Variants in TMEM272 observed in about 807,000 individuals in gnomAD.
The protein encoded by TMEM272 is long intergenic non-protein coding RNA 282.
TMEM272 carries 8 observed loss-of-function variants against 3.7 expected under a neutral mutation model. The observed-to-expected ratio is 2.17, with a 90% CI of 1.27 to 3.91. The LOEUF is 3.91. Among genes scored for constraint, TMEM272 ranks in the 30% most tolerant of loss-of-function variants. TMEM272 has a pLI of 0.00. For missense variants in TMEM272, 166 were observed against 91.5 expected (o/e 1.81, Z -3.32); for synonymous variants, 63 against 39.8 (o/e 1.58, Z -2.20).
At chr13:51,928,483 G>T in the TMEM272 span, among the ~76,000 whole-genome samples, 1 of 152,144 alleles carries the variant, frequency 6.6e-6, no homozygotes, top group African/African-American at 2.4e-5. Flanking sequence ...CTGAAGCCCC[G>T]ACTGCACTCA....
chr13:51,927,307 A>G, the TMEM272 span, among the ~76,000 whole-genome samples: 1 of 152,152 alleles, frequency 6.6e-6, no homozygotes, highest in Non-Finnish European at 1.5e-5. Context: ...AATTCACACG[A>G]TGCCACGGCC....
At chr13:51,823,617 C>T (rs1483886332) in intron 3 of TMEM272, among the ~76,000 whole-genome samples, 1 of 152,246 alleles carries the variant, frequency 6.6e-6, no homozygotes, top group Non-Finnish European at 1.5e-5. Flanking sequence ...GTGGCTGTAG[C>T]ACAGTTAAGT....
At chr13:51,861,401 T>C in the TMEM272 span, among the ~76,000 whole-genome samples, 2 of 152,320 alleles carry the variant, frequency 1.3e-5, no homozygotes, top group South Asian at 4.1e-4. Context: ...ATGGATATGT[T>C]AATTTACTTG....
At chr13:51,866,885 C>A in the TMEM272 span, among the ~76,000 whole-genome samples, 2 of 152,184 alleles carry the variant, frequency 1.3e-5, no homozygotes, top group African/African-American at 4.8e-5. Flanking sequence ...ATTATACATT[C>A]TTTTTGGGGG....
At chr13:51,880,060 G>A in the TMEM272 span, among the ~76,000 whole-genome samples, 2 of 152,202 alleles carry the variant, frequency 1.3e-5, no homozygotes, top group Non-Finnish European at 2.9e-5. Flanking sequence ...GGGGCTGAAG[G>A]GTGGAATAGT....
At chr13:51,883,258 CTT>C in the TMEM272 span, among the ~76,000 whole-genome samples, 3 of 152,252 alleles carry the variant, frequency 2.0e-5, no homozygotes, top group Non-Finnish European at 4.4e-5. Flanking sequence ...TTACAGCTCT[CTT>C]GTTCTCAACT....
chr13:51,897,681 C>T, the TMEM272 span, among the ~76,000 whole-genome samples: 8 of 151,812 alleles, frequency 5.3e-5, no homozygotes, highest in South Asian at 1.7e-3. Context: ...AGTCCCAGTA[C>T]TTTGGGAGGC....
chr13:51,885,731 GA>G, the TMEM272 span, among the ~76,000 whole-genome samples: 1 of 152,312 alleles, frequency 6.6e-6, no homozygotes, highest in East Asian at 1.9e-4. Context: ...TATTTGTACA[GA>G]AGCAAGTTTC....
the TMEM272 span, among the ~76,000 whole-genome samples, chr13:51,897,693 G>A: frequency 6.6e-5 from 10 of 151,856 alleles, no homozygotes; most frequent in Non-Finnish European, 1.3e-4. Flanking sequence ...TTGGGAGGCC[G>A]AGGTGGGTAT....
At chr13:51,871,807 C>T in the TMEM272 span, among the ~76,000 whole-genome samples, 1 of 145,468 alleles carries the variant, frequency 6.9e-6, no homozygotes, top group African/African-American at 2.6e-5. Flanking sequence ...CACACACACA[C>T]ACACACACAC....
At chr13:51,828,046 G>A (rs1234187091) in intron 2 of TMEM272, among the ~76,000 whole-genome samples, 3 of 152,216 alleles carry the variant, frequency 2.0e-5, no homozygotes, top group African/African-American at 2.4e-5. Flanking sequence ...GCCTGCGAAT[G>A]AGAACAACGC....
At chr13:51,929,209 T>C in the TMEM272 span, among the ~76,000 whole-genome samples, 2 of 152,042 alleles carry the variant, frequency 1.3e-5, no homozygotes, top group Non-Finnish European at 2.9e-5. Flanking sequence ...AAAAAAAAGT[T>C]ATATAAACTT....
At chr13:51,823,083 AT>A (rs1416609827) in intron 3 of TMEM272, among the ~76,000 whole-genome samples, 2 of 151,954 alleles carry the variant, frequency 1.3e-5, no homozygotes, top group South Asian at 4.2e-4. Context: ...CAAAGCATTT[AT>A]TTTTTTTGAG....
chr13:51,860,818 A>AGTGTGT, the TMEM272 span, among the ~76,000 whole-genome samples: 31,536 of 143,846 alleles, frequency 0.22, 3,650 homozygotes, highest in Middle Eastern at 0.28. Context: ...TATATATAGA[A>AGTGTGT]GTGTGTGTGT....
At chr13:51,834,188 C>T (rs1188606313) in intron 2 of TMEM272, among the ~76,000 whole-genome samples, 3 of 152,212 alleles carry the variant, frequency 2.0e-5, no homozygotes, top group African/African-American at 7.2e-5. Flanking sequence ...GAAATCCTCT[C>T]GCTTGGAAGA....
At chr13:51,839,708 T>A (rs929909732) in intron 1 of TMEM272, among the ~76,000 whole-genome samples, 1 of 152,160 alleles carries the variant, frequency 6.6e-6, no homozygotes, top group Non-Finnish European at 1.5e-5. Flanking sequence ...ATGGTCATGA[T>A]GACAGAAGGA....
At chr13:51,870,252 GT>G in the TMEM272 span, among the ~76,000 whole-genome samples, 15 of 151,772 alleles carry the variant, frequency 9.9e-5, no homozygotes, top group South Asian at 2.5e-3. Context: ...AAGTTCTTTG[GT>G]TTTTTTTGTG....
At chr13:51,908,070 T>C in the TMEM272 span, 2 of 377,612 alleles carry the variant, frequency 5.3e-6, no homozygotes, top group East Asian at 4.7e-5. Flanking sequence ...ATTTAAATCA[T>C]CCTTATTTAC....
rs1956027534 is a variant in TMEM272, at chr13:51,816,526, CA to C, written c.*224del. 2.1e-6 allele frequency: 1 copy of C among 479,436 alleles called. No homozygotes were observed. The highest frequency in any genetic ancestry group is 1.9e-5 in the African/African-American group (1 of 52,438). The allele number at this position is 479,436 out of a possible 1,614,324, so 29.7% of individuals were successfully genotyped here. On this transcript the variant is annotated 3_prime_UTR_variant, in exon 5 of 5. Coordinates refer to ENST00000629372, the MANE Select transcript of TMEM272 (RefSeq NM_001351003.2). ...AACAAAATTCCCACTCTGAAAAGAGCAGAAGTGATTTCCCCATGTCTAGGAA... is the reference window on the plus strand; with the variant it reads ...AACAAAATTCCCACTCTGAAAAGAGCGAAGTGATTTCCCCATGTCTAGGAA...
Sources: allele counts gnomAD v4.1 joint callset (sites outside exome capture counted in the v4.1 genomes callset), GRCh38; gene constraint gnomAD v4.1.1; transcripts MANE v1.5; gene names NCBI Gene and HGNC (gene_info 2026-07-23, HGNC 2026-07-21).